Variants in ADGRL3 observed in about 807,000 individuals in gnomAD.
ADGRL3 encodes adhesion G protein-coupled receptor L3, also known as calcium-independent alpha-latrotoxin receptor 3.
A neutral mutation model predicts 153.5 loss-of-function variants in ADGRL3; 62 were observed. The ratio of observed to expected loss-of-function variants is 0.40; its 90% CI spans 0.33 to 0.50. The LOEUF (loss-of-function observed/expected upper bound fraction) is 0.50. ADGRL3 is among the 20% of genes least tolerant of loss of function. The pLI, the probability that ADGRL3 is intolerant of heterozygous loss-of-function variation, is 0.47. For missense variants in ADGRL3, 1,641 were observed against 1,859.4 expected, an observed-to-expected ratio of 0.88 and a Z score of 2.16; for synonymous variants, 710 against 672.5, an observed-to-expected ratio of 1.06 and a Z score of -0.86.
intron 6 of ADGRL3, among the ~76,000 whole-genome samples, chr4:61,688,789 T>C: frequency 6.6e-6 from 1 of 152,192 alleles, no homozygotes; most frequent in East Asian, 1.9e-4. Flanking sequence ...CTTCATTTTT[T>C]ATTTCAGATC....
intron 9 of ADGRL3, among the ~76,000 whole-genome samples, chr4:61,867,443 C>T (rs13129932): frequency 0.53 from 77,246 of 144,512 alleles, 21,175 homozygotes; most frequent in Middle Eastern, 0.63. Context: ...GAGGTTGCAG[C>T]GCACCGAGAT....
chr4:62,028,097 C>T lies in ADGRL3; in HGVS notation c.3396-758C>T, dbSNP rs576628934. On this transcript the variant is annotated intron_variant, in intron 21 of 26. Coordinates refer to ENST00000683033, the MANE Select transcript of ADGRL3 (RefSeq NM_001387552.1). ...TCTGGCAAGAGAGAAGAGAAAGGAA[C>T]AGTTTCTCTTCTTTCTTTTTCTTAT... Among the ~76,000 whole-genome samples, 11 of 151,792 alleles carry T rather than the reference C, an allele frequency of 7.2e-5. No homozygotes were observed. In the East Asian group the frequency reaches 1.4e-3, roughly 19 times the overall value.
intron 2 of ADGRL3, among the ~76,000 whole-genome samples, chr4:61,495,454 G>A (rs1418023162): frequency 1.3e-5 from 2 of 149,414 alleles, no homozygotes; most frequent in African/African-American, 4.9e-5. Context: ...AAAGAAAAAA[G>A]GAAGGAAGGG....
intron 6 of ADGRL3, among the ~76,000 whole-genome samples, chr4:61,681,823 A>G (rs559406182): frequency 6.6e-6 from 1 of 152,236 alleles, no homozygotes; most frequent in South Asian, 2.1e-4. Flanking sequence ...AAATAATTAC[A>G]TATTTTTAAC....
At chr4:61,351,722 C>T (rs994393868) in intron 1 of ADGRL3, among the ~76,000 whole-genome samples, 5 of 151,108 alleles carry the variant, frequency 3.3e-5, no homozygotes, top group African/African-American at 1.2e-4. Flanking sequence ...ATTTTAAGCC[C>T]ACTGTTGAGA....
At chr4:61,571,484 G>A (rs1330298845) in intron 4 of ADGRL3, among the ~76,000 whole-genome samples, 1 of 152,088 alleles carries the variant, frequency 6.6e-6, no homozygotes, top group Non-Finnish European at 1.5e-5. Flanking sequence ...TGGCACTCCA[G>A]CCTGGGTGAC....
intron 13 of ADGRL3, among the ~76,000 whole-genome samples, chr4:61,913,278 C>A (rs532700692): frequency 6.6e-6 from 1 of 152,036 alleles, no homozygotes; most frequent in South Asian, 2.1e-4. Flanking sequence ...TACTTTGTTT[C>A]GGCTGACATG....
intron 4 of ADGRL3, among the ~76,000 whole-genome samples, chr4:61,526,905 C>T (rs2098565824): frequency 6.6e-6 from 1 of 151,982 alleles, no homozygotes; most frequent in East Asian, 1.9e-4. Flanking sequence ...TTCAAATAGT[C>T]TATAGCAAAA....
rs893869507 is a variant in ADGRL3, at chr4:62,040,026, C to T, written c.3717+2170C>T. Among the ~76,000 whole-genome samples the T allele has an allele frequency of 6.6e-5, 10 of 152,222 alleles. No homozygotes were observed. The East Asian group carries it at 1.9e-3, about 29-fold the overall frequency. On this transcript the variant is annotated intron_variant, in intron 24 of 26. Coordinates refer to ENST00000683033, the MANE Select transcript of ADGRL3 (RefSeq NM_001387552.1). ...CAGCTCAATGGAATAATAATAAACT[C>T]TGTGGGTGGGTATACCTTGTTTTGA...
At position 61,696,670 on chromosome 4, in the gene ADGRL3, C is replaced by CTTTTT. The variant is rs34306284; in HGVS notation, c.583+19752_583+19756dup. 3.2e-3 allele frequency among the ~76,000 whole-genome samples: 325 copies of CTTTTT among 102,014 alleles called. 1 individual carries two copies. The highest frequency in any genetic ancestry group is 6.2e-3 in the East Asian group (18 of 2,914). 66.9% of individuals were successfully genotyped at this position (102,014 alleles called of 152,430 possible). A position where few individuals can be genotyped will look rare whatever the true frequency, so the allele number is the denominator to read the frequency against. Reference sequence around the variant, plus strand: ...TTCCCTAAGTTCCTTTTTTTTTAACCTTTTTTTTTTTTTTTTTTTTTGTGA... The same window carrying CTTTTT: ...TTCCCTAAGTTCCTTTTTTTTTAACCTTTTTTTTTTTTTTTTTTTTTTTTTTGTGA... On this transcript the variant is annotated intron_variant, in intron 6 of 26. Transcript: ENST00000683033.
At chr4:61,284,549 C>A (rs2150044643) in intron 1 of ADGRL3, among the ~76,000 whole-genome samples, 1 of 152,008 alleles carries the variant, frequency 6.6e-6, no homozygotes, top group South Asian at 2.1e-4. Context: ...CACCACATAT[C>A]ATTTGTGAGC....
rs1164604964 is a variant in ADGRL3, at chr4:62,013,888, A to AC, written c.3396-14967_3396-14966insC. 7.8e-5 allele frequency among the ~76,000 whole-genome samples: 10 copies of AC among 128,498 alleles called. No individual in the cohort carries two copies. In the Admixed American group the frequency reaches 7.8e-4, roughly 10 times the overall value. 84.3% of individuals were successfully genotyped at this position (128,498 alleles called of 152,430 possible). Reference sequence around the variant, plus strand: ...GGTGACAGAGTGAGATTCTGTCTCAAAAAAAAAAAATTTTTTTTTTGTTTG... The same window carrying AC: ...GGTGACAGAGTGAGATTCTGTCTCAACAAAAAAAAAATTTTTTTTTTGTTTG... On this transcript the variant is annotated intron_variant, in intron 21 of 26. Coordinates refer to ENST00000683033, the MANE Select transcript of ADGRL3 (RefSeq NM_001387552.1).
rs151333100 is a variant in ADGRL3, at chr4:61,775,188, T to C, written c.1400-38621T>C. Among the ~76,000 whole-genome samples, 29 of 152,228 alleles carry C rather than the reference T, an allele frequency of 1.9e-4. 3 individuals are homozygous for C. Among genetic ancestry groups the C allele is most frequent in the African/African-American group, 6.7e-4 (28 of 41,558 alleles). On this transcript the variant is annotated intron_variant, in intron 8 of 26. Transcript: ENST00000683033. ...GAATTATCCCCCAAGTATGAATATATTGACTTGCCAGATGGTCTGGATTCC... is the reference window on the plus strand; with the variant it reads ...GAATTATCCCCCAAGTATGAATATACTGACTTGCCAGATGGTCTGGATTCC...
intron 2 of ADGRL3, among the ~76,000 whole-genome samples, chr4:61,465,627 T>C (rs1014024964): frequency 6.6e-6 from 1 of 151,128 alleles, no homozygotes; most frequent in Non-Finnish European, 1.5e-5. Flanking sequence ...AATGTGTATA[T>C]TTCTGACTGC....
At chr4:61,350,754 A>T (rs182247706) in intron 1 of ADGRL3, among the ~76,000 whole-genome samples, 67 of 152,234 alleles carry the variant, frequency 4.4e-4, no homozygotes, top group Admixed American at 3.5e-3. Context: ...TGCCCATAAA[A>T]CACAGCAGTG....
At chr4:61,516,061 C>T (rs1434638861) in intron 3 of ADGRL3, among the ~76,000 whole-genome samples, 1 of 152,008 alleles carries the variant, frequency 6.6e-6, no homozygotes, top group Non-Finnish European at 1.5e-5. Flanking sequence ...TGTTTCGGGG[C>T]AATGTCTCAG....
chr4:61,425,799 T>G, intron 2 of ADGRL3, among the ~76,000 whole-genome samples: 1 of 152,202 alleles, frequency 6.6e-6, no homozygotes, highest in South Asian at 2.1e-4. Context: ...GAGTGACATG[T>G]AAATCACACA....
At chr4:61,946,891 A>G in intron 15 of ADGRL3, 23 bp from the exon 16 acceptor site, 1 of 1,566,506 alleles carries the variant, frequency 6.4e-7, no homozygotes, top group Non-Finnish European at 8.8e-7. Context: ...GGACAAACTA[A>G]TCAGAGTTTG....
At chr4:61,203,638 A>G (rs17090411) in intron 1 of ADGRL3, among the ~76,000 whole-genome samples, 2,164 of 152,334 alleles carry the variant, frequency 0.014, 61 homozygotes, top group African/African-American at 0.049. Flanking sequence ...AGAATCTGCA[A>G]AGAAACACTT....
Sources: allele counts gnomAD v4.1 joint callset (sites outside exome capture counted in the v4.1 genomes callset), GRCh38; gene constraint gnomAD v4.1.1; transcripts MANE v1.5; gene names NCBI Gene and HGNC (gene_info 2026-07-23, HGNC 2026-07-21).